TACR1: variants seen among roughly 807,000 people sequenced by gnomAD.
TACR1 encodes substance-P receptor.
Under a neutral mutation model 35.8 loss-of-function variants are expected in TACR1, and 25 were observed. The observed-to-expected ratio is 0.70, with a 90% confidence interval of 0.51 to 0.98. The LOEUF (loss-of-function observed/expected upper bound fraction) is 0.98, where lower values mean the gene tolerates loss of function less well. TACR1 is among the 50% of genes least tolerant of loss of function. TACR1 has a pLI of 0.00. For missense variants in TACR1, 478 were observed against 522.9 expected, an observed-to-expected ratio of 0.91 and a Z score of 0.84; for synonymous variants, 195 against 206.7, an observed-to-expected ratio of 0.94 and a Z score of 0.48.
In TACR1 at chr2:75,198,544, A is replaced by G. The variant is rs201320503; in HGVS notation, c.389+2T>C. 2 of 1,611,526 alleles carry G rather than the reference A, an allele frequency of 1.2e-6. No homozygotes were observed. The highest frequency in any genetic ancestry group is 3.3e-5 in the Admixed American group (2 of 59,966). On this transcript the variant is annotated splice_donor_variant, in intron 1 of 4. Coordinates refer to ENST00000305249, the MANE Select transcript of TACR1 (RefSeq NM_001058.4). LOFTEE classifies it high-confidence loss of function. ...TCGCCTTTTCACAAAGGCTAATCTC[A>G]CCTATCAAAGGCCACAGCCGTCATG...
Position 75,048,490 on chromosome 2 carries a change from A to G in TACR1, c.*942T>C, listed in dbSNP as rs1672400967. 2 of 152,202 alleles carry G rather than the reference A, an allele frequency of 1.3e-5. No homozygotes were observed. Among genetic ancestry groups the G allele is most frequent in the African/African-American group, 4.8e-5 (2 of 41,452 alleles). The allele number at this position is 152,202 out of a possible 1,614,324, so 9.4% of individuals were successfully genotyped here. ...GAATGTCTGAGATGGATAGTTACAGATGGCCTTAGCAGTTGCTACATCTCC... is the reference window on the plus strand; with the variant it reads ...GAATGTCTGAGATGGATAGTTACAGGTGGCCTTAGCAGTTGCTACATCTCC... On this transcript the variant is annotated 3_prime_UTR_variant, in exon 5 of 5. Transcript: ENST00000305249.
chr2:75,171,646 C>G (rs898075130), intron 1 of TACR1, among the ~76,000 whole-genome samples: 1 of 152,228 alleles, frequency 6.6e-6, no homozygotes, highest in African/African-American at 2.4e-5. Context: ...AGGAGCAGAG[C>G]TGCCCAAGAC....
At chr2:75,113,532 C>CTTTTTTTTTTTTTTT (rs11437762) in intron 2 of TACR1, among the ~76,000 whole-genome samples, 49 of 92,080 alleles carry the variant, frequency 5.3e-4, no homozygotes, top group African/African-American at 6.3e-4. Context: ...TTTCTTCTTC[C>CTTTTTTTTTTTTTTT]TTTTTTTTTT....
chr2:75,174,413 C>T (rs999075008), intron 1 of TACR1, among the ~76,000 whole-genome samples: 8 of 152,206 alleles, frequency 5.3e-5, no homozygotes, highest in African/African-American at 1.4e-4. Context: ...AAGTGACTAA[C>T]GGTAGGTAGC....
chr2:75,119,208 T>C (rs1673918442), intron 2 of TACR1, among the ~76,000 whole-genome samples: 1 of 152,250 alleles, frequency 6.6e-6, no homozygotes, highest in Admixed American at 6.5e-5. Flanking sequence ...TGCTATCTGA[T>C]GAATTTGGTT....
At chr2:75,121,384 G>T (rs536628043) in intron 1 of TACR1, among the ~76,000 whole-genome samples, 143 of 152,252 alleles carry the variant, frequency 9.4e-4, no homozygotes, top group Middle Eastern at 3.4e-3. Flanking sequence ...AGAGAAAGAC[G>T]GTCTCCACCT....
intron 2 of TACR1, among the ~76,000 whole-genome samples, chr2:75,070,826 C>T (rs750631364): frequency 4.6e-5 from 7 of 152,202 alleles, no homozygotes; most frequent in South Asian, 2.1e-4. Context: ...TGGACCCAGA[C>T]CCTCCAATTC....
rs559576695 is a variant in TACR1, at chr2:75,142,332, C to G, written c.390-21564G>C. Among the ~76,000 whole-genome samples, 9 of 152,322 alleles carry G rather than the reference C, an allele frequency of 5.9e-5. No individual in the cohort carries two copies. The East Asian group carries it at 1.7e-3, about 29-fold the overall frequency. On this transcript the variant is annotated intron_variant, in intron 1 of 4. Transcript: ENST00000305249. ...GGAGAAGGTTGTTTCACAATAGCCT[C>G]TCTTATCCCCTGGGCCTCCTTTCTC...
In TACR1 at chr2:75,094,838, C is replaced by CATATATATATAT. The variant is rs770472061; in HGVS notation, c.584+25724_584+25735dup. Among the ~76,000 whole-genome samples the CATATATATATAT allele has an allele frequency of 6.2e-4, 74 of 119,816 alleles. 1 individual carries two copies. The highest frequency in any genetic ancestry group is 2.4e-3 in the African/African-American group (52 of 21,532). The allele number at this position is 119,816 out of a possible 152,430, so 78.6% of individuals were successfully genotyped here. On this transcript the variant is annotated intron_variant, in intron 2 of 4. Coordinates refer to ENST00000305249, the MANE Select transcript of TACR1 (RefSeq NM_001058.4). ...AAATTGCAAGCTGAGGAAGCAGAAA[C>CATATATATATAT]ATATATATATATATATATATATTTT... is the stretch of plus-strand genomic sequence containing the variant.
intron 1 of TACR1, among the ~76,000 whole-genome samples, chr2:75,129,433 T>C (rs755946238): frequency 2.3e-4 from 35 of 152,368 alleles, no homozygotes; most frequent in Middle Eastern, 3.4e-3. Context: ...ACATCAAAGA[T>C]GCATTTCTTT....
At chr2:75,143,424 A>C (rs1354906279) in intron 1 of TACR1, among the ~76,000 whole-genome samples, 1 of 152,220 alleles carries the variant, frequency 6.6e-6, no homozygotes, top group Non-Finnish European at 1.5e-5. Context: ...TAAAAAAAGA[A>C]AACATCAGGG....
intron 4 of TACR1, among the ~76,000 whole-genome samples, chr2:75,050,179 C>G (rs1430098230): frequency 6.6e-6 from 1 of 152,194 alleles, no homozygotes; most frequent in Non-Finnish European, 1.5e-5. Context: ...CATGTTTCTT[C>G]AGTGTGCCTC....
chr2:75,097,611 C>G (rs946254894), intron 2 of TACR1, among the ~76,000 whole-genome samples: 1 of 152,156 alleles, frequency 6.6e-6, no homozygotes, highest in African/African-American at 2.4e-5. Flanking sequence ...GGAGGCTAAG[C>G]CAGTCTCAGG....
intron 1 of TACR1, among the ~76,000 whole-genome samples, chr2:75,167,089 G>A (rs753546202): frequency 4.6e-5 from 7 of 152,030 alleles, no homozygotes; most frequent in Non-Finnish European, 1.0e-4. Context: ...AAAGATAAAC[G>A]ACAGGAACAA....
rs548478520 is a variant in TACR1 at position 75,173,620 on chromosome 2, A to G, written c.389+24926T>C. On this transcript the variant is annotated intron_variant, in intron 1 of 4. Transcript: ENST00000305249. ...GGAATTTAGCAGCTGCCATCTCTAC[A>G]ATGAAGCTGGGGAAAAAGGAGGAAA... 3.9e-5 allele frequency among the ~76,000 whole-genome samples: 6 copies of G among 152,294 alleles called. No homozygotes were observed. In the South Asian group the frequency reaches 1.2e-3, roughly 32 times the overall value.
At chr2:75,051,224 G>A in intron 4 of TACR1, 27 bp downstream of exon 4, 1 of 1,614,052 alleles carries the variant, frequency 6.2e-7, no homozygotes, top group East Asian at 2.2e-5. Context: ...GTGGCCCCTG[G>A]AGAGCTCATG....
Position 75,046,602 on chromosome 2 carries a change from C to T in TACR1, c.*2830G>A, listed in dbSNP as rs1212846603. 2 of 152,168 alleles carry T rather than the reference C, an allele frequency of 1.3e-5. No individual in the cohort carries two copies. Among genetic ancestry groups the T allele is most frequent in the Non-Finnish European group, 2.9e-5 (2 of 68,038 alleles). The allele number at this position is 152,168 out of a possible 1,614,324, so 9.4% of individuals were successfully genotyped here. On this transcript the variant is annotated 3_prime_UTR_variant, in exon 5 of 5. Transcript: ENST00000305249. The stretch of plus-strand genomic sequence containing the variant: ...AGGCCAATGAGGTCAGTTCCTGAGT[C>T]CCCTTTCTCCAGGATTCCACTCAGT...
intron 4 of TACR1, 67 bp from the exon 5 acceptor site, chr2:75,049,790 C>T (rs1397712307): frequency 4.6e-5 from 69 of 1,510,146 alleles, no homozygotes; most frequent in Non-Finnish European, 5.9e-5. Flanking sequence ...CCCACCACTG[C>T]ATCAGCTTGT....
intron 2 of TACR1, among the ~76,000 whole-genome samples, chr2:75,105,774 A>T (rs1197961263): frequency 1.3e-5 from 2 of 151,984 alleles, no homozygotes; most frequent in Non-Finnish European, 2.9e-5. Flanking sequence ...CCTAAAACAT[A>T]TTACCCCTGT....
Sources: gnomAD v4.1 joint callset for allele counts (sites outside exome capture counted in the v4.1 genomes callset) on GRCh38, gnomAD v4.1.1 for gene constraint, MANE v1.5 for transcripts, NCBI Gene and HGNC (gene_info 2026-07-23, HGNC 2026-07-21) for gene names.